Variants in OSBPL9 observed in about 807,000 individuals in gnomAD.
OSBPL9 encodes the protein oxysterol-binding protein-related protein 9.
OSBPL9 carries 40 observed loss-of-function variants against 106.6 expected under a neutral mutation model. That is an observed-to-expected ratio of 0.38 (90% CI 0.29 to 0.49). OSBPL9 has a LOEUF of 0.49. Ranked by LOEUF, OSBPL9 falls within the 20% of genes least tolerant of loss-of-function variation. OSBPL9 has a pLI of 0.97. For synonymous variants in OSBPL9, 269 were observed against 295.4 expected, an observed-to-expected ratio of 0.91 and a Z score of 0.92; for missense variants, 609 against 887.2, an observed-to-expected ratio of 0.69 and a Z score of 3.98.
chr1:51,544,064 C>A, the OSBPL9 span, among the ~76,000 whole-genome samples: 1 of 152,176 alleles, frequency 6.6e-6, no homozygotes, highest in African/African-American at 2.4e-5. Context: ...CTAAACTTTG[C>A]GTAGCACTTG....
chr1:51,601,205 T>C (rs1312527461), intron 2 of OSBPL9, among the ~76,000 whole-genome samples: 2 of 152,212 alleles, frequency 1.3e-5, no homozygotes, highest in Admixed American at 6.5e-5. Flanking sequence ...CAGATTTAAT[T>C]ACAAAGCTAC....
chr1:51,685,585 A>G (rs1173705999), intron 3 of OSBPL9, among the ~76,000 whole-genome samples: 1 of 152,092 alleles, frequency 6.6e-6, no homozygotes, highest in Admixed American at 6.5e-5. Flanking sequence ...TTTTGTAGAG[A>G]CGAGGTTTTG....
the OSBPL9 span, among the ~76,000 whole-genome samples, chr1:51,541,198 G>A: frequency 2.1e-4 from 32 of 152,146 alleles, no homozygotes; most frequent in Non-Finnish European, 1.5e-4. Context: ...AAAATTAAGT[G>A]TTGTGAAGGC....
chr1:51,663,786 C>A (rs1647734687), intron 2 of OSBPL9, among the ~76,000 whole-genome samples: 1 of 152,110 alleles, frequency 6.6e-6, no homozygotes, highest in Admixed American at 6.5e-5. Flanking sequence ...GAAAGAACTC[C>A]TACAAGTCAT....
chr1:51,672,300 G>A (rs1650064937), intron 3 of OSBPL9, among the ~76,000 whole-genome samples: 1 of 152,212 alleles, frequency 6.6e-6, no homozygotes, highest in Non-Finnish European at 1.5e-5. Flanking sequence ...TGGAGATGGG[G>A]AGATAGTGAG....
intron 3 of OSBPL9, among the ~76,000 whole-genome samples, chr1:51,687,773 C>T (rs186038042): frequency 3.3e-5 from 5 of 152,318 alleles, no homozygotes; most frequent in African/African-American, 1.2e-4. Context: ...AGATCTCATA[C>T]ACCAGAATGA....
chr1:51,550,264 G>C, the OSBPL9 span, among the ~76,000 whole-genome samples: 1 of 152,220 alleles, frequency 6.6e-6, no homozygotes, highest in South Asian at 2.1e-4. Flanking sequence ...ATGATGACAC[G>C]TGAGCAGGTA....
intron 4 of OSBPL9, among the ~76,000 whole-genome samples, chr1:51,726,060 T>C (rs575485479): frequency 3.3e-5 from 5 of 152,350 alleles, no homozygotes; most frequent in African/African-American, 1.2e-4. Context: ...TTATATATTG[T>C]ATTCTTACAA....
the OSBPL9 span, among the ~76,000 whole-genome samples, chr1:51,528,558 C>T: frequency 6.7e-6 from 1 of 149,426 alleles, no homozygotes; most frequent in Middle Eastern, 3.5e-3. Context: ...AAAAAAAAAA[C>T]AAACTGAAAA....
intron 4 of OSBPL9, among the ~76,000 whole-genome samples, chr1:51,717,612 T>C (rs1661293683): frequency 6.6e-6 from 1 of 151,994 alleles, no homozygotes; most frequent in Non-Finnish European, 1.5e-5. Context: ...CTAACATCAT[T>C]GATCATCAGA....
intron 2 of OSBPL9, among the ~76,000 whole-genome samples, chr1:51,600,602 T>C (rs1416664859): frequency 6.6e-6 from 1 of 152,220 alleles, no homozygotes; most frequent in African/African-American, 2.4e-5. Flanking sequence ...TTATGGGCCC[T>C]AAGCACTGTG....
chr1:51,665,833 C>G (rs1320781493), intron 2 of OSBPL9, among the ~76,000 whole-genome samples: 2 of 152,048 alleles, frequency 1.3e-5, no homozygotes, highest in Non-Finnish European at 2.9e-5. Flanking sequence ...GCAGCAGCAA[C>G]AGGTGCTCCA....
chr1:51,753,691 C>T (rs17299470), intron 8 of OSBPL9, among the ~76,000 whole-genome samples: 5,556 of 152,210 alleles, frequency 0.037, 156 homozygotes, highest in Non-Finnish European at 0.052. Flanking sequence ...TTCTTAGAGG[C>T]GGCATGCTGT....
chr1:51,750,941 A>G (rs1470975623), intron 8 of OSBPL9, among the ~76,000 whole-genome samples: 1 of 152,112 alleles, frequency 6.6e-6, no homozygotes, highest in Non-Finnish European at 1.5e-5. Flanking sequence ...TCAGTTGCAT[A>G]TGTTTGTTTG....
intron 3 of OSBPL9, among the ~76,000 whole-genome samples, chr1:51,697,006 A>C (rs904737292): frequency 2.0e-5 from 3 of 152,042 alleles, no homozygotes; most frequent in African/African-American, 2.4e-5. Flanking sequence ...TAAAAGAATA[A>C]AAAATTAGCT....
At position 51,785,819 on chromosome 1, in the gene OSBPL9, A is replaced by G; in HGVS notation, c.1841A>G (p.Asp614Gly). ...RITAEIFSPN[D>G]KKSFCSIEGE... ...CCTTTTCTGTTCAGTTCTCCAAATG[A>G]CAAGAAGTCTTTTTGCTCAATTGAA... The change falls in exon 21 of 24, where the codon GAC (aspartate) becomes GGC (glycine). Residue 614 changes from aspartate to glycine, a missense_variant. Asp to Gly is a moderately conservative substitution (Grantham distance 94). This residue lies in a region of OSBPL9 where 132 missense variants were observed against 158.1 expected (regional missense o/e 0.83). Transcript: ENST00000428468. The G allele has an allele frequency of 6.2e-7, 1 of 1,609,478 alleles. No individual in the cohort carries two copies. Among genetic ancestry groups the G allele is most frequent in the Non-Finnish European group, 8.5e-7 (1 of 1,178,924 alleles).
chr1:51,673,231 C>T (rs1300775888), intron 3 of OSBPL9, among the ~76,000 whole-genome samples: 4 of 152,156 alleles, frequency 2.6e-5, no homozygotes, highest in Non-Finnish European at 5.9e-5. Flanking sequence ...TCAAATGCTA[C>T]TGACAGATCA....
At chr1:51,613,702 C>G (rs1006416627), upstream of OSBPL9, among the ~76,000 whole-genome samples, 7 of 151,742 alleles carry the variant, frequency 4.6e-5, no homozygotes, top group Admixed American at 3.9e-4. Flanking sequence ...GAATAGGAAC[C>G]ATGTCTCTTA....
At chr1:51,782,794 C>T in intron 17 of OSBPL9, 151 bp downstream of exon 17, 1 of 617,654 alleles carries the variant, frequency 1.6e-6, no homozygotes, top group Non-Finnish European at 2.7e-6. Flanking sequence ...TTGATTTGTT[C>T]CTCATATCTT....
Sources: gnomAD v4.1 joint callset for allele counts (sites outside exome capture counted in the v4.1 genomes callset) on GRCh38, gnomAD v4.1.1 for gene constraint, gnomAD v4.1.1 regional missense constraint, MANE v1.5 for transcripts, NCBI Gene and HGNC (gene_info 2026-07-23, HGNC 2026-07-21) for gene names.